The following FGF12 variants were observed in gnomAD, a reference collection of about 807,000 sequenced individuals.
FGF12 encodes the protein fibroblast growth factor 12, also known as fibroblast growth factor 12B.
FGF12 carries 14 observed loss-of-function variants against 23.6 expected under a neutral mutation model. The observed-to-expected ratio is 0.59, with a 90% CI of 0.39 to 0.93. The LOEUF (loss-of-function observed/expected upper bound fraction) is 0.93. Among genes scored for constraint, FGF12 ranks in the 40% least tolerant of loss-of-function variants. The pLI is 0.00. For synonymous variants in FGF12, 62 were observed against 77.3 expected (o/e 0.80, Z 1.04); for missense variants, 175 against 217.8 (o/e 0.80, Z 1.24).
intron 4 of FGF12, among the ~76,000 whole-genome samples, chr3:192,215,746 A>C (rs972360668): frequency 5.9e-5 from 9 of 152,174 alleles, no homozygotes; most frequent in Admixed American, 1.3e-4. Flanking sequence ...CTGTAGAAGA[A>C]ATTCTGCCAA....
chr3:192,673,632 T>A (rs969957822), intron 2 of FGF12, among the ~76,000 whole-genome samples: 6 of 151,116 alleles, frequency 4.0e-5, no homozygotes, highest in African/African-American at 7.2e-5. Flanking sequence ...AGTGAGAACA[T>A]GTGATGTTTG....
chr3:192,696,168 T>A (rs1577126797), intron 2 of FGF12, among the ~76,000 whole-genome samples: 1 of 139,162 alleles, frequency 7.2e-6, no homozygotes, highest in Non-Finnish European at 1.5e-5. Flanking sequence ...TTTTTTTTTT[T>A]AATCATTTCC....
At chr3:192,258,384 C>T (rs1302830715) in intron 4 of FGF12, among the ~76,000 whole-genome samples, 2 of 151,944 alleles carry the variant, frequency 1.3e-5, no homozygotes, top group South Asian at 2.1e-4. Flanking sequence ...CTTGAACCCG[C>T]GAGGCAGAGG....
chr3:192,602,380 G>A (rs774434179), intron 2 of FGF12, among the ~76,000 whole-genome samples: 7 of 152,102 alleles, frequency 4.6e-5, no homozygotes, highest in Non-Finnish European at 8.8e-5. Flanking sequence ...AGACATCATG[G>A]TCAGGGAAGC....
chr3:192,705,490 T>C (rs537872362), intron 2 of FGF12, among the ~76,000 whole-genome samples: 3 of 152,344 alleles, frequency 2.0e-5, no homozygotes, highest in South Asian at 4.1e-4. Flanking sequence ...ATATATTCTC[T>C]AGTAACTTTA....
At chr3:192,587,241 T>C (rs1471528816) in intron 2 of FGF12, among the ~76,000 whole-genome samples, 1 of 151,866 alleles carries the variant, frequency 6.6e-6, no homozygotes, top group Non-Finnish European at 1.5e-5. Context: ...AGAGTGGTAC[T>C]CAAAACGGTT....
chr3:192,701,390 T>C (rs746273521), intron 2 of FGF12, among the ~76,000 whole-genome samples: 1 of 152,214 alleles, frequency 6.6e-6, no homozygotes, highest in Non-Finnish European at 1.5e-5. Context: ...CCTCTGGCTA[T>C]GTCATGGGTT....
intron 4 of FGF12, among the ~76,000 whole-genome samples, chr3:192,247,967 A>T (rs984673826): frequency 6.6e-6 from 1 of 152,244 alleles, no homozygotes; most frequent in Non-Finnish European, 1.5e-5. Flanking sequence ...TGCTTAAGAA[A>T]TTGAGCTATC....
intron 4 of FGF12, among the ~76,000 whole-genome samples, chr3:192,264,131 C>T (rs961658109): frequency 3.3e-5 from 5 of 151,990 alleles, no homozygotes; most frequent in African/African-American, 1.2e-4. Context: ...GACTTAGATT[C>T]TTGTTAAAAA....
intron 4 of FGF12, among the ~76,000 whole-genome samples, chr3:192,297,144 T>C (rs1186364887): frequency 1.3e-5 from 2 of 152,148 alleles, no homozygotes; most frequent in African/African-American, 2.4e-5. Flanking sequence ...GTATGTCTGC[T>C]CAAAAAAATA....
At chr3:192,501,631 T>C (rs1724136019) in intron 2 of FGF12, among the ~76,000 whole-genome samples, 1 of 152,156 alleles carries the variant, frequency 6.6e-6, no homozygotes, top group Non-Finnish European at 1.5e-5. Context: ...TCAACTAGAA[T>C]AGGAACTGAG....
intron 2 of FGF12, among the ~76,000 whole-genome samples, chr3:192,633,247 T>C (rs1039397857): frequency 1.3e-5 from 2 of 152,084 alleles, no homozygotes. Context: ...GGTTTCATCA[T>C]GTTGGTCAGG....
chr3:192,340,074 C>T (rs1231371703), intron 3 of FGF12, among the ~76,000 whole-genome samples: 1 of 152,032 alleles, frequency 6.6e-6, no homozygotes, highest in East Asian at 1.9e-4. Context: ...CTGAGTGCTT[C>T]TAGTAATTTG....
chr3:192,341,911 G>GTAGGACCTTGGCC (rs575201839), intron 3 of FGF12, among the ~76,000 whole-genome samples: 36,509 of 151,910 alleles, frequency 0.24, 4,450 homozygotes, highest in Admixed American at 0.3. Flanking sequence ...AACATTTGGA[G>GTAGGACCTTGGCC]TTAACATACA....
intron 2 of FGF12, among the ~76,000 whole-genome samples, chr3:192,679,468 C>G (rs1717442268): frequency 6.6e-6 from 1 of 152,032 alleles, no homozygotes; most frequent in Non-Finnish European, 1.5e-5. Context: ...TGTGGTGGTG[C>G]ATGCCTGTAA....
chr3:192,220,430 T>C (rs949641412), intron 4 of FGF12, among the ~76,000 whole-genome samples: 4 of 152,326 alleles, frequency 2.6e-5, no homozygotes, highest in South Asian at 2.1e-4. Flanking sequence ...TCCACTTGGA[T>C]TGACCAAACT....
intron 4 of FGF12, among the ~76,000 whole-genome samples, chr3:192,302,686 T>C (rs1051634432): frequency 9.2e-5 from 14 of 152,220 alleles, no homozygotes; most frequent in African/African-American, 3.4e-4. Context: ...TTTACTGCTG[T>C]ATCAACCTGG....
intron 2 of FGF12, among the ~76,000 whole-genome samples, chr3:192,607,869 A>G (rs866491451): frequency 5.4e-5 from 8 of 148,004 alleles, no homozygotes; most frequent in Admixed American, 4.0e-4. Flanking sequence ...AAAAAAAAAG[A>G]AGAAGAAGAA....
In FGF12 at chr3:192,654,502, C is replaced by T. The variant is rs371917134; in HGVS notation, c.13+72679G>A. On this transcript the variant is annotated intron_variant, in intron 2 of 5. Coordinates refer to ENST00000445105, the MANE Select transcript of FGF12 (RefSeq NM_004113.6). ...TTTTCTACAAGATATTTTATTTAAG[C>T]ATAACAATAGCTCTGTCCTACTCTG... Among the ~76,000 whole-genome samples the T allele has an allele frequency of 2.0e-5, 3 of 152,198 alleles. No individual in the cohort carries two copies. The East Asian group carries it at 5.8e-4, about 29-fold the overall frequency.
Sources: gnomAD v4.1 joint callset for allele counts (sites outside exome capture counted in the v4.1 genomes callset) on GRCh38, gnomAD v4.1.1 for gene constraint, MANE v1.5 for transcripts, NCBI Gene and HGNC (gene_info 2026-07-23, HGNC 2026-07-21) for gene names.